Variants in ITCH observed in about 807,000 individuals in gnomAD.
ITCH encodes E3 ubiquitin-protein ligase Itchy homolog.
A neutral mutation model predicts 126.8 loss-of-function variants in ITCH; 28 were observed. The ratio of observed to expected loss-of-function variants is 0.22; its 90% CI spans 0.16 to 0.30. The LOEUF (loss-of-function observed/expected upper bound fraction) is 0.30. Ranked by LOEUF, ITCH falls within the 10% of genes least tolerant of loss-of-function variation. The pLI, the probability that ITCH is intolerant of heterozygous loss-of-function variation, is 1.00. For missense variants in ITCH, 631 were observed against 1,032.4 expected (o/e 0.61, Z 5.33); for synonymous variants, 342 against 340.0 (o/e 1.01, Z -0.06).
chr20:34,435,174 G>GTT (rs34960574), intron 7 of ITCH, among the ~76,000 whole-genome samples: 279 of 145,112 alleles, frequency 1.9e-3, no homozygotes, highest in African/African-American at 3.4e-3. Flanking sequence ...TTGTTTTTGG[G>GTT]TTTTTTTTTT....
intron 3 of ITCH, among the ~76,000 whole-genome samples, chr20:34,401,826 T>A (rs1288484251): frequency 6.6e-6 from 1 of 152,072 alleles, no homozygotes; most frequent in Non-Finnish European, 1.5e-5. Flanking sequence ...ACAATTCCAA[T>A]TAGTCTGTTA....
intron 14 of ITCH, chr20:34,466,337 AT>A: frequency 1.9e-6 from 1 of 527,670 alleles, no homozygotes; most frequent in South Asian, 1.4e-5. Flanking sequence ...TTTTTTTAGT[AT>A]TTTTCCATCA....
At chr20:34,402,116 A>T in intron 3 of ITCH, 1 of 870,186 alleles carries the variant, frequency 1.1e-6, no homozygotes, top group Non-Finnish European at 1.9e-6. Flanking sequence ...TGCCAACACC[A>T]GCTATGCAGA....
At chr20:34,456,101 A>G (rs1360963858) in intron 12 of ITCH, among the ~76,000 whole-genome samples, 1 of 146,668 alleles carries the variant, frequency 6.8e-6, no homozygotes, top group East Asian at 2.0e-4. Context: ...ATATGTATGT[A>G]TATATACACA....
chr20:34,416,064 G>T (rs1979795106), intron 6 of ITCH, among the ~76,000 whole-genome samples: 1 of 151,604 alleles, frequency 6.6e-6, no homozygotes, highest in Non-Finnish European at 1.5e-5. Flanking sequence ...GGAGGTTGCA[G>T]TGAGCCAAGA....
At position 34,368,719 on chromosome 20, in the gene ITCH, T is replaced by C. The variant is rs192314631; in HGVS notation, c.-98-675T>C. On this transcript the variant is annotated intron_variant, in intron 1 of 24. Coordinates refer to ENST00000374864, the MANE Select transcript of ITCH (RefSeq NM_031483.7). ...CTTGAAAAACTGCTGCCAGCTCAGC[T>C]TTTTTGCTTCTTTTCAGAACTGACT... 2.6e-5 allele frequency among the ~76,000 whole-genome samples: 4 copies of C among 152,294 alleles called. No homozygotes were observed. In the East Asian group the frequency reaches 5.8e-4, roughly 22 times the overall value.
At chr20:34,415,504 C>T (rs774281866) in intron 6 of ITCH, among the ~76,000 whole-genome samples, 12 of 151,964 alleles carry the variant, frequency 7.9e-5, no homozygotes, top group Non-Finnish European at 1.5e-4. Context: ...TTGCAGTGAG[C>T]GAAGATCACA....
intron 7 of ITCH, among the ~76,000 whole-genome samples, chr20:34,427,711 T>A (rs1334389553): frequency 6.6e-6 from 1 of 152,248 alleles, no homozygotes; most frequent in Admixed American, 6.5e-5. Flanking sequence ...TTATTATATT[T>A]AGTAGAAGAT....
At chr20:34,473,013 C>T (rs78740041) in intron 16 of ITCH, among the ~76,000 whole-genome samples, 3 of 152,172 alleles carry the variant, frequency 2.0e-5, no homozygotes, top group East Asian at 3.9e-4. Context: ...GACTTTGAAA[C>T]CTAAAGTCTT....
intron 9 of ITCH, among the ~76,000 whole-genome samples, chr20:34,440,895 A>G (rs554595715): frequency 6.6e-6 from 1 of 152,332 alleles, no homozygotes; most frequent in East Asian, 1.9e-4. Context: ...GCCAATTAAT[A>G]AAATAATCAC....
chr20:34,497,642 A>C (rs1444058986), intron 23 of ITCH, among the ~76,000 whole-genome samples: 1 of 152,062 alleles, frequency 6.6e-6, no homozygotes, highest in Admixed American at 6.5e-5. Context: ...GCAGTGGCAC[A>C]TTCTCAGTTC....
chr20:34,485,740 T>C (rs1989059384), intron 20 of ITCH, among the ~76,000 whole-genome samples: 1 of 152,162 alleles, frequency 6.6e-6, no homozygotes, highest in Admixed American at 6.5e-5. Flanking sequence ...TGAAATACAG[T>C]GGCACGATCA....
At chr20:34,474,554 T>C (rs534545577) in intron 16 of ITCH, among the ~76,000 whole-genome samples, 28 of 152,350 alleles carry the variant, frequency 1.8e-4, no homozygotes, top group African/African-American at 6.7e-4. Flanking sequence ...AAGTCTCCCA[T>C]GTATACTTCT....
intron 14 of ITCH, among the ~76,000 whole-genome samples, chr20:34,469,002 T>C (rs892544205): frequency 6.6e-6 from 1 of 152,160 alleles, no homozygotes; most frequent in Admixed American, 6.6e-5. Flanking sequence ...TACACTGATA[T>C]ACATTGAATT....
rs750391440 is a variant in ITCH, at chr20:34,424,559, G to A, written c.521+34G>A. On this transcript the variant is annotated intron_variant, in intron 7 of 24. Transcript: ENST00000374864. ...TCACTGATTGCTTACCACAGAATGC[G>A]GAGAGATAGATTTCCTAAATATTCA... 98 of 1,549,716 alleles carry A rather than the reference G, an allele frequency of 6.3e-5. 5 individuals carry two copies. The Middle Eastern group carries it at 8.4e-4, about 13-fold the overall frequency.
chr20:34,377,526 G>A (rs2037892334), intron 2 of ITCH, among the ~76,000 whole-genome samples: 1 of 152,028 alleles, frequency 6.6e-6, no homozygotes, highest in Admixed American at 6.6e-5. Context: ...AATGACAAAT[G>A]GCTTGCTCTT....
intron 16 of ITCH, among the ~76,000 whole-genome samples, chr20:34,475,644 GGAAAGAGAGGGAGAGCGAGACCGT>G (rs1988135165): frequency 6.6e-6 from 1 of 151,790 alleles, no homozygotes; most frequent in South Asian, 2.1e-4. Context: ...GGGAGACCGT[GGAAAGAGAGGGAGAGCGAGACCGT>G]GGGGAGAGGG....
At chr20:34,387,896 G>T (rs997546251) in intron 2 of ITCH, among the ~76,000 whole-genome samples, 1 of 151,854 alleles carries the variant, frequency 6.6e-6, no homozygotes, top group African/African-American at 2.4e-5. Flanking sequence ...GTGGAGATAG[G>T]GTTTCACCAT....
chr20:34,438,779 A>G, intron 8 of ITCH, 148 bp downstream of exon 8: 2 of 1,062,878 alleles, frequency 1.9e-6, no homozygotes, highest in Non-Finnish European at 2.9e-6. Context: ...TTCTGTAGGT[A>G]ACCAAAAGTG....
Sources: gnomAD v4.1 joint callset for allele counts (sites outside exome capture counted in the v4.1 genomes callset) on GRCh38, gnomAD v4.1.1 for gene constraint, MANE v1.5 for transcripts, NCBI Gene and HGNC (gene_info 2026-07-23, HGNC 2026-07-21) for gene names.